The following HCN1 variants were observed in gnomAD, a reference collection of about 807,000 sequenced individuals.
HCN1 encodes the protein potassium/sodium hyperpolarization-activated cyclic nucleotide-gated channel 1.
In HCN1, 13 loss-of-function variants were observed where a neutral mutation model predicts 78.9. The ratio of observed to expected loss-of-function variants is 0.16; its 90% CI spans 0.11 to 0.26. The LOEUF is 0.26. Among genes scored for constraint, HCN1 ranks in the 10% least tolerant of loss-of-function variants. The probability of loss-of-function intolerance (pLI) is 1.00; values close to 1 mark genes in which losing one functional copy is unlikely to be tolerated. For synonymous variants in HCN1, 552 were observed against 455.5 expected, an observed-to-expected ratio of 1.21 and a Z score of -2.70; for missense variants, 810 against 1,154.3, an observed-to-expected ratio of 0.70 and a Z score of 4.32.
chr5:45,681,819 A>T (rs2112089520), intron 1 of HCN1, among the ~76,000 whole-genome samples: 1 of 152,288 alleles, frequency 6.6e-6, no homozygotes, highest in East Asian at 1.9e-4. Context: ...CTTTATTTTG[A>T]TTAAGACAGC....
intron 2 of HCN1, among the ~76,000 whole-genome samples, chr5:45,521,169 A>ATTAG (rs1742605522): frequency 6.6e-6 from 1 of 151,752 alleles, no homozygotes; most frequent in South Asian, 2.1e-4. Context: ...TAGAGAGAGC[A>ATTAG]CCCTAAAGGA....
intron 5 of HCN1, among the ~76,000 whole-genome samples, chr5:45,319,574 CT>C (rs1382390752): frequency 6.6e-6 from 1 of 151,710 alleles, no homozygotes; most frequent in Non-Finnish European, 1.5e-5. Context: ...TTCTTATACT[CT>C]TGACATGAGT....
At chr5:45,281,336 A>G (rs967900427) in intron 6 of HCN1, among the ~76,000 whole-genome samples, 1 of 151,666 alleles carries the variant, frequency 6.6e-6, no homozygotes, top group Non-Finnish European at 1.5e-5. Flanking sequence ...CTCCTGCTCC[A>G]CCATGTATAG....
At chr5:45,604,546 T>C (rs555740056) in intron 2 of HCN1, among the ~76,000 whole-genome samples, 1 of 151,992 alleles carries the variant, frequency 6.6e-6, no homozygotes, top group Non-Finnish European at 1.5e-5. Flanking sequence ...GGTCTGCTGA[T>C]AAATGATTAT....
chr5:45,629,801 T>C (rs1745237706), intron 2 of HCN1, among the ~76,000 whole-genome samples: 1 of 152,178 alleles, frequency 6.6e-6, no homozygotes, highest in Non-Finnish European at 1.5e-5. Flanking sequence ...GAATTGTAAT[T>C]ATCTTAAGTG....
At chr5:45,343,945 T>A (rs1162444730) in intron 5 of HCN1, among the ~76,000 whole-genome samples, 1 of 151,958 alleles carries the variant, frequency 6.6e-6, no homozygotes, top group South Asian at 2.1e-4. Flanking sequence ...CTTAGAAAAA[T>A]TATCAATAAT....
intron 2 of HCN1, among the ~76,000 whole-genome samples, chr5:45,532,253 G>T (rs1277789756): frequency 6.6e-6 from 1 of 152,166 alleles, no homozygotes; most frequent in African/African-American, 2.4e-5. Context: ...TAACAAAACA[G>T]AGGCTAAAAC....
intron 3 of HCN1, among the ~76,000 whole-genome samples, chr5:45,431,614 G>A (rs1186583173): frequency 6.6e-6 from 1 of 152,100 alleles, no homozygotes; most frequent in Non-Finnish European, 1.5e-5. Context: ...TTTTGTGTAT[G>A]GTATAGGGAA....
intron 2 of HCN1, among the ~76,000 whole-genome samples, chr5:45,593,390 G>A (rs1328800938): frequency 6.7e-6 from 1 of 148,818 alleles, no homozygotes. Flanking sequence ...TAAGATGCAG[G>A]ACACAGTGTG....
chr5:45,322,653 A>C (rs1285392306), intron 5 of HCN1, among the ~76,000 whole-genome samples: 1 of 151,856 alleles, frequency 6.6e-6, no homozygotes, highest in Non-Finnish European at 1.5e-5. Flanking sequence ...TTGTAGATGA[A>C]ATAAACTTTT....
At chr5:45,685,927 T>C (rs1739799814) in intron 1 of HCN1, among the ~76,000 whole-genome samples, 1 of 152,168 alleles carries the variant, frequency 6.6e-6, no homozygotes, top group Non-Finnish European at 1.5e-5. Context: ...ACTTAGAGAA[T>C]ATTTAATTTT....
chr5:45,434,522 C>T (rs1255128605), intron 3 of HCN1, among the ~76,000 whole-genome samples: 2 of 152,116 alleles, frequency 1.3e-5, no homozygotes, highest in Admixed American at 6.5e-5. Context: ...GATACAAGAA[C>T]GTGGAGGAGG....
At chr5:45,375,348 ATATAATATTTTAT>A (rs1398273170) in intron 4 of HCN1, among the ~76,000 whole-genome samples, 4 of 124,954 alleles carry the variant, frequency 3.2e-5, no homozygotes, top group East Asian at 2.2e-4. Context: ...AATATATATA[ATATAATATTTTAT>A]GATATACAAT....
rs1491056031 is a variant in HCN1, at chr5:45,374,298, ATT to A, written c.1231-21054_1231-21053del. On this transcript the variant is annotated intron_variant, in intron 4 of 7. Transcript: ENST00000303230. ...TATATACATTATATACATTATATATATTGTATACATTATATACATTATATACA... is the reference window on the plus strand; with the variant it reads ...TATATACATTATATACATTATATATAGTATACATTATATACATTATATACA... 1.2e-3 allele frequency among the ~76,000 whole-genome samples: 154 copies of A among 127,968 alleles called. 2 individuals carry two copies. Among genetic ancestry groups the A allele is most frequent in the African/African-American group, 3.1e-3 (103 of 33,218 alleles). 84.0% of individuals were successfully genotyped at this position (127,968 alleles called of 152,430 possible). A position where few individuals can be genotyped will look rare whatever the true frequency, so the allele number is the denominator to read the frequency against.
At chr5:45,428,285 C>T (rs1424981476) in intron 3 of HCN1, among the ~76,000 whole-genome samples, 1 of 151,886 alleles carries the variant, frequency 6.6e-6, no homozygotes, top group Non-Finnish European at 1.5e-5. Flanking sequence ...TGATTTTGGT[C>T]AGTTTCAAAT....
rs373664268 is a variant in HCN1 at position 45,695,854 on chromosome 5, G to T, written c.240C>A (p.Gly80=). The T allele has an allele frequency of 1.6e-4, 257 of 1,590,916 alleles. No homozygotes were observed. The highest frequency in any genetic ancestry group is 8.2e-4 in the African/African-American group (60 of 73,412). The part of the protein sequence containing the change: ...GGGGGEEPAG[G]FEDAEGPRRQ... ...GCCGGGGCCCCTCGGCGTCTTCGAA[G>T]CCCCCCGCCGGCTCCTCGCCGCCGC... The change falls in exon 1 of 8, where the codon GGC becomes GGA. Residue 80 remains glycine (G), a synonymous_variant. Coordinates refer to ENST00000303230, the MANE Select transcript of HCN1 (RefSeq NM_021072.4).
intron 2 of HCN1, among the ~76,000 whole-genome samples, chr5:45,513,202 GA>G (rs1019384741): frequency 6.6e-6 from 1 of 151,952 alleles, no homozygotes; most frequent in African/African-American, 2.4e-5. Flanking sequence ...TTTTGCAAAA[GA>G]ATAGTGAATC....
intron 1 of HCN1, among the ~76,000 whole-genome samples, chr5:45,684,109 A>T (rs550084885): frequency 6.6e-6 from 1 of 152,216 alleles, no homozygotes; most frequent in African/African-American, 2.4e-5. Context: ...GGTTCCAAAA[A>T]TAAATGTGCT....
intron 2 of HCN1, among the ~76,000 whole-genome samples, chr5:45,629,693 C>T (rs576883656): frequency 5.9e-5 from 9 of 152,170 alleles, no homozygotes; most frequent in African/African-American, 1.7e-4. Flanking sequence ...CTCAAAATTT[C>T]AAGTCAGTAA....
Sources: gnomAD v4.1 joint callset for allele counts (sites outside exome capture counted in the v4.1 genomes callset) on GRCh38, gnomAD v4.1.1 for gene constraint, MANE v1.5 for transcripts, NCBI Gene and HGNC (gene_info 2026-07-23, HGNC 2026-07-21) for gene names.